Variants in CDK2AP2 observed in about 807,000 individuals in gnomAD.
The protein encoded by CDK2AP2 is cyclin dependent kinase 2 associated protein 2, also known as cyclin-dependent kinase 2-associated protein 2.
A neutral mutation model predicts 13.0 loss-of-function variants in CDK2AP2; 1 was observed. That is an observed-to-expected ratio of 0.08 (90% CI 0.03 to 0.37). The LOEUF (loss-of-function observed/expected upper bound fraction) is 0.37, where lower values mean the gene tolerates loss of function less well. Among genes scored for constraint, CDK2AP2 ranks in the 10% least tolerant of loss-of-function variants. CDK2AP2 has a pLI of 0.99. For missense variants in CDK2AP2, 129 were observed against 175.8 expected (o/e 0.73, Z 1.50); for synonymous variants, 76 against 73.0 (o/e 1.04, Z -0.21).
In CDK2AP2 at chr11:67,508,137, C is replaced by T; in HGVS notation, c.-55G>A. 5 of 1,433,588 alleles carry T rather than the reference C, an allele frequency of 3.5e-6. No individual in the cohort carries two copies. The highest frequency in any genetic ancestry group is 2.7e-6 in the Non-Finnish European group (3 of 1,097,154). 88.8% of individuals were successfully genotyped at this position (1,433,588 alleles called of 1,614,324 possible). ...CCGGCCGCTCCTCGGGGGTTGGCTGCGGGGCCGCTCAGCCGCGCTCTGATT... is the reference window on the plus strand; with the variant it reads ...CCGGCCGCTCCTCGGGGGTTGGCTGTGGGGCCGCTCAGCCGCGCTCTGATT... On this transcript the variant is annotated 5_prime_UTR_variant, in exon 1 of 4. Transcript: ENST00000301488.
chr11:67,507,884 A>C (rs573448911), intron 1 of CDK2AP2, 117 bp downstream of exon 1: 1 of 1,543,040 alleles, frequency 6.5e-7, no homozygotes, highest in Non-Finnish European at 8.7e-7. Context: ...TTCACAGGCC[A>C]GCAAACTGAG....
chr11:67,507,232 T>A, intron 3 of CDK2AP2, 133 bp downstream of exon 3: 1 of 1,095,906 alleles, frequency 9.1e-7, no homozygotes, highest in Admixed American at 2.1e-5. Context: ...TCAATTCGAT[T>A]CAAAACACCT....
At chr11:67,507,849 C>A in intron 1 of CDK2AP2, 152 bp downstream of exon 1, 1 of 1,538,496 alleles carries the variant, frequency 6.5e-7, no homozygotes, top group Non-Finnish European at 8.7e-7. Context: ...GCTCCACCTA[C>A]AAGCCCTTAC....
Position 67,507,666 on chromosome 11 carries a change from A to C in CDK2AP2, c.106T>G (p.Ser36Ala). ...AAAGGAGCGCCGGCTCCTGGCACTG[A>C]GCCCGACGGCGACGGGACGCTTCCT... ...PTGSVPSPSG[S>A]VPGAGAPFRP... Residue 36 changes from serine to alanine, a missense_variant, in exon 2 of 4, where the codon TCA (serine) becomes GCA (alanine). Around this residue, in one of 2 missense-constraint regions of CDK2AP2, gnomAD observed 98 missense variants for 99.7 expected, o/e 0.98. Coordinates refer to ENST00000301488, the MANE Select transcript of CDK2AP2 (RefSeq NM_005851.5). 1 of 1,613,200 alleles carries C rather than the reference A, an allele frequency of 6.2e-7. No homozygotes were observed. Among genetic ancestry groups the C allele is most frequent in the Admixed American group, 1.7e-5 (1 of 60,030 alleles).
At position 67,506,773 on chromosome 11, in the gene CDK2AP2, T is replaced by C. The variant is rs1050343255; in HGVS notation, c.*172A>G. 6 of 598,538 alleles carry C rather than the reference T, an allele frequency of 1.0e-5. No individual in the cohort carries two copies. Among genetic ancestry groups the C allele is most frequent in the Non-Finnish European group, 1.8e-5 (6 of 337,170 alleles). 37.1% of individuals were successfully genotyped at this position (598,538 alleles called of 1,614,324 possible). Reference sequence around the variant, plus strand: ...TGCTAACTCTTGTTGTGGGGGGGTGTCCTTAGTGCTGCCACCTGGAGGGCC... The same window carrying C: ...TGCTAACTCTTGTTGTGGGGGGGTGCCCTTAGTGCTGCCACCTGGAGGGCC... On this transcript the variant is annotated 3_prime_UTR_variant, in exon 4 of 4. Transcript: ENST00000301488.
At chr11:67,507,258 TGGACATCCTCTA>T (rs1182498353) in intron 3 of CDK2AP2, 95 bp downstream of exon 3, 2 of 1,268,574 alleles carry the variant, frequency 1.6e-6, no homozygotes, top group African/African-American at 2.9e-5. Context: ...GTAGTAATAC[TGGACATCCTCTA>T]GGCTTGGCTC....
At position 67,506,659 on chromosome 11, in the gene CDK2AP2, T is replaced by G. The variant is rs1431535206; in HGVS notation, c.*286A>C. ...GAGGCTCGGGACAAAGTGGGAGAAG[T>G]GCTGGGAAGGGCTGAGCGGTAGGGG... On this transcript the variant is annotated 3_prime_UTR_variant, in exon 4 of 4. Transcript: ENST00000301488. 1.0e-5 allele frequency: 5 copies of G among 493,078 alleles called. No homozygotes were observed. In the East Asian group the frequency reaches 1.5e-4, roughly 14 times the overall value. The allele number at this position is 493,078 out of a possible 1,614,324, so 30.5% of individuals were successfully genotyped here. A position where few individuals can be genotyped will look rare whatever the true frequency, so the allele number is the denominator to read the frequency against.
Position 67,506,722 on chromosome 11 carries a change from A to G in CDK2AP2, c.*223T>C, listed in dbSNP as rs1229104803. 3.7e-5 allele frequency: 21 copies of G among 566,004 alleles called. No individual in the cohort carries two copies. In the South Asian group the frequency reaches 4.1e-4, roughly 11 times the overall value. 35.1% of individuals were successfully genotyped at this position (566,004 alleles called of 1,614,324 possible). On this transcript the variant is annotated 3_prime_UTR_variant, in exon 4 of 4. Transcript: ENST00000301488. ...CGGTGGGCAACACTGTCGGCAGGTC[A>G]TGGGTGGGACTCATGGGGACCTCGC... is the stretch of plus-strand genomic sequence containing the variant.
In CDK2AP2 at chr11:67,507,670, C is replaced by G; in HGVS notation, c.102G>C (p.Ser34=). ...GAGCGCCGGCTCCTGGCACTGAGCC[C>G]GACGGCGACGGGACGCTTCCTGCAG... The part of the protein sequence containing the change: ...PVPTGSVPSP[S]GSVPGAGAPF... The change falls in exon 2 of 4, where the codon TCG becomes TCC. Residue 34 remains serine (S), a synonymous_variant. Transcript: ENST00000301488. 2.5e-6 allele frequency: 4 copies of G among 1,609,746 alleles called. No individual in the cohort carries two copies. The highest frequency in any genetic ancestry group is 1.1e-5 in the South Asian group (1 of 90,974).
rs997396922 is a variant in CDK2AP2 at position 67,508,162 on chromosome 11, T to C, written c.-80A>G. The C allele has an allele frequency of 5.5e-5, 77 of 1,412,336 alleles. No homozygotes were observed. Among genetic ancestry groups the C allele is most frequent in the Non-Finnish European group, 6.7e-5 (73 of 1,086,972 alleles). 87.5% of individuals were successfully genotyped at this position (1,412,336 alleles called of 1,614,324 possible). ...CGGGGCCGCTCAGCCGCGCTCTGAT[T>C]GGCAAGCGGGCTGCACGCCCCTGGT... On this transcript the variant is annotated 5_prime_UTR_variant, in exon 1 of 4. Coordinates refer to ENST00000301488, the MANE Select transcript of CDK2AP2 (RefSeq NM_005851.5).
chr11:67,507,614 G>A lies in CDK2AP2; in HGVS notation c.158C>T (p.Pro53Leu), dbSNP rs575971536. The A allele has an allele frequency of 6.2e-7, 1 of 1,613,548 alleles. No homozygotes were observed. Among genetic ancestry groups the A allele is most frequent in the South Asian group, 1.1e-5 (1 of 91,078 alleles). Residue 53 changes from proline (P) to leucine (L), a missense_variant, in exon 2 of 4, where the codon CCG becomes CTG. Physicochemically the swap from Pro to Leu is moderately conservative, Grantham distance 98 (BLOSUM62 -3). Around this residue, in one of 2 missense-constraint regions of CDK2AP2, gnomAD observed 98 missense variants for 99.7 expected, o/e 0.98. Transcript: ENST00000301488. ...PFRPLFNDFGPPSMGYVQAMK... is the reference protein window; with the variant it reads ...PFRPLFNDFGLPSMGYVQAMK... ...CACCTGCACGTAGCCCATGGAAGGC[G>A]GTCCAAAGTCGTTAAACAGCGGTCT...
chr11:67,508,151 C>A lies in CDK2AP2; in HGVS notation c.-69G>T. The A allele has an allele frequency of 7.0e-7, 1 of 1,423,536 alleles. No homozygotes were observed. Among genetic ancestry groups the A allele is most frequent in the Non-Finnish European group, 9.1e-7 (1 of 1,093,384 alleles). The allele number at this position is 1,423,536 out of a possible 1,614,324, so 88.2% of individuals were successfully genotyped here. A position where few individuals can be genotyped will look rare whatever the true frequency, so the allele number is the denominator to read the frequency against. ...GGGGTTGGCTGCGGGGCCGCTCAGCCGCGCTCTGATTGGCAAGCGGGCTGC... is the reference window on the plus strand; with the variant it reads ...GGGGTTGGCTGCGGGGCCGCTCAGCAGCGCTCTGATTGGCAAGCGGGCTGC... On this transcript the variant is annotated 5_prime_UTR_variant, in exon 1 of 4. Coordinates refer to ENST00000301488, the MANE Select transcript of CDK2AP2 (RefSeq NM_005851.5).
chr11:67,507,749 T>C (rs1866564942), intron 1 of CDK2AP2, 60 bp from the exon 2 acceptor site: 1 of 1,594,114 alleles, frequency 6.3e-7, no homozygotes, highest in African/African-American at 1.3e-5. Context: ...CTCCCAGCTT[T>C]TCCAAGCCCA....
At chr11:67,507,154 G>T in intron 3 of CDK2AP2, 142 bp from the exon 4 acceptor site, 1 of 808,508 alleles carries the variant, frequency 1.2e-6, no homozygotes, top group Non-Finnish European at 1.9e-6. Flanking sequence ...TTAGAGGTTT[G>T]GTTAATCCTC....
rs1472105898 is a variant in CDK2AP2 at position 67,507,207 on chromosome 11, G to A, written c.313+158C>T. On this transcript the variant is annotated intron_variant, in intron 3 of 3. Transcript: ENST00000301488. ...ATACAAATTCCCATGCTCTTCCCTGGAAATGGACTCAATTTCAATTCGATT... is the reference window on the plus strand; with the variant it reads ...ATACAAATTCCCATGCTCTTCCCTGAAAATGGACTCAATTTCAATTCGATT... The A allele has an allele frequency of 7.5e-6, 7 of 927,212 alleles. 1 individual carries two copies. The Admixed American group carries it at 9.2e-5, about 12-fold the overall frequency. 57.4% of individuals were successfully genotyped at this position (927,212 alleles called of 1,614,324 possible).
intron 1 of CDK2AP2, 71 bp downstream of exon 1, chr11:67,507,930 G>C (rs1390341458): frequency 2.6e-6 from 4 of 1,548,562 alleles, no homozygotes; most frequent in Admixed American, 3.9e-5. Flanking sequence ...CAGTATTGCA[G>C]AACTCAGGCC....
At position 67,506,622 on chromosome 11, in the gene CDK2AP2, C is replaced by A; in HGVS notation, c.*323G>T. Reference sequence around the variant, plus strand: ...GGGAGGTGCCAGGCCTGTGCCCCTGCTGGGGGAGAAGGAGGCTCGGGACAA... The same window carrying A: ...GGGAGGTGCCAGGCCTGTGCCCCTGATGGGGGAGAAGGAGGCTCGGGACAA... On this transcript the variant is annotated 3_prime_UTR_variant, in exon 4 of 4. Transcript: ENST00000301488. 2.3e-6 allele frequency: 1 copy of A among 435,042 alleles called. No homozygotes were observed. The highest frequency in any genetic ancestry group is 4.2e-6 in the Non-Finnish European group (1 of 240,436). The allele number at this position is 435,042 out of a possible 1,614,324, so 26.9% of individuals were successfully genotyped here.
Position 67,508,023 on chromosome 11 carries a change from C to G in CDK2AP2, c.60G>C (p.Gly20=). Reference sequence around the variant, plus strand: ...CACCTGTAGGGACCGGGGTGCCCGGCCCAGGGGTGCTGGAGCCAGGGGTGC... The same window carrying G: ...CACCTGTAGGGACCGGGGTGCCCGGGCCAGGGGTGCTGGAGCCAGGGGTGC... ...PSSTPGSSTP[G]PGTPVPTGSV... Residue 20 remains glycine, a synonymous_variant, in exon 1 of 4, where the codon GGG becomes GGC. Transcript: ENST00000301488. The G allele has an allele frequency of 6.5e-7, 1 of 1,537,888 alleles. No homozygotes were observed. Among genetic ancestry groups the G allele is most frequent in the Non-Finnish European group, 8.7e-7 (1 of 1,143,300 alleles).
rs1866577669 is a variant in CDK2AP2 at position 67,508,103 on chromosome 11, G to A, written c.-21C>T. Reference sequence around the variant, plus strand: ...GACATCCCCAACTCCTGGGCGCGGCGGACGCCAGCCGGCCGCTCCTCGGGG... The same window carrying A: ...GACATCCCCAACTCCTGGGCGCGGCAGACGCCAGCCGGCCGCTCCTCGGGG... On this transcript the variant is annotated 5_prime_UTR_variant, in exon 1 of 4. Coordinates refer to ENST00000301488, the MANE Select transcript of CDK2AP2 (RefSeq NM_005851.5). 2.7e-6 allele frequency: 4 copies of A among 1,456,200 alleles called. No homozygotes were observed. The highest frequency in any genetic ancestry group is 2.9e-5 in the South Asian group (2 of 69,958). 90.2% of individuals were successfully genotyped at this position (1,456,200 alleles called of 1,614,324 possible).
Sources: allele counts gnomAD v4.1 joint callset, GRCh38; gene constraint gnomAD v4.1.1; regional missense constraint gnomAD v4.1.1; transcripts MANE v1.5; gene names NCBI Gene and HGNC (gene_info 2026-07-23, HGNC 2026-07-21).